SNRPD3: variants seen among roughly 807,000 people sequenced by gnomAD.
SNRPD3 encodes small nuclear ribonucleoprotein D3 polypeptide, also known as small nuclear ribonucleoprotein Sm D3.
For synonymous variants in SNRPD3, 66 were observed against 58.4 expected (o/e 1.13, Z -0.59); for missense variants, 73 against 167.5 (o/e 0.44, Z 3.11).
At position 24,574,906 on chromosome 22, in the gene SNRPD3, T is replaced by C. The variant is rs76039210; in HGVS notation, c.*2929T>C. Among the ~76,000 whole-genome samples the C allele has an allele frequency of 6.8e-4, 104 of 152,326 alleles. 1 individual carries two copies. In the East Asian group the frequency reaches 7.7e-3, roughly 11 times the overall value. ...CTTCCTCTCACCCATCTCCCTGATA[T>C]TGTAATTCTGGTTAGATCATATTCA... On this transcript the variant is annotated 3_prime_UTR_variant, in exon 4 of 4. Transcript: ENST00000215829.
chr22:24,569,887 C>A (rs995844972), intron 3 of SNRPD3, among the ~76,000 whole-genome samples: 4 of 152,242 alleles, frequency 2.6e-5, no homozygotes, highest in African/African-American at 9.6e-5. Context: ...GAGCTTCTAG[C>A]CCCATGGAGT....
chr22:24,556,003 G>C lies in SNRPD3; in HGVS notation c.-87G>C, dbSNP rs1159066295. On this transcript the variant is annotated 5_prime_UTR_variant, in exon 1 of 4. Transcript: ENST00000215829. ...ATTCTGGGTGTTAGGCCCGCCATTC[G>C]CTTGACTCACGCCTTCGCCGTAGCA... The C allele has an allele frequency of 4.6e-6, 3 of 657,130 alleles. No homozygotes were observed. The highest frequency in any genetic ancestry group is 7.8e-6 in the Non-Finnish European group (3 of 385,814). 40.7% of individuals were successfully genotyped at this position (657,130 alleles called of 1,614,324 possible).
intron 2 of SNRPD3, among the ~76,000 whole-genome samples, chr22:24,563,449 G>A (rs1256144610): frequency 1.3e-5 from 2 of 151,908 alleles, no homozygotes; most frequent in African/African-American, 4.8e-5. Context: ...TTCTCATTCC[G>A]ACAGCTGCAA....
chr22:24,567,766 CA>C (rs11307253), intron 2 of SNRPD3, among the ~76,000 whole-genome samples: 110,546 of 151,598 alleles, frequency 0.73, 42,121 homozygotes, highest in East Asian at 0.85. Flanking sequence ...AGGGGGGGAG[CA>C]CTCATACCCA....
intron 2 of SNRPD3, among the ~76,000 whole-genome samples, chr22:24,564,586 G>A (rs978737492): frequency 6.6e-5 from 10 of 152,244 alleles, no homozygotes; most frequent in African/African-American, 1.7e-4. Flanking sequence ...CAGGGAAAGC[G>A]AGAGCAGTAG....
chr22:24,564,631 A>G (rs2045178314), intron 2 of SNRPD3, among the ~76,000 whole-genome samples: 1 of 152,212 alleles, frequency 6.6e-6, no homozygotes. Context: ...TAGGAGTCAG[A>G]GGACACTGGA....
At position 24,574,852 on chromosome 22, in the gene SNRPD3, C is replaced by T. The variant is rs1307923455; in HGVS notation, c.*2875C>T. On this transcript the variant is annotated 3_prime_UTR_variant, in exon 4 of 4. Transcript: ENST00000215829. ...CCCGGCCACCATTATCTTTTGAATCCTCTCTTCCTCCTGCCCACCATGAAT... is the reference window on the plus strand; with the variant it reads ...CCCGGCCACCATTATCTTTTGAATCTTCTCTTCCTCCTGCCCACCATGAAT... 2.0e-5 allele frequency among the ~76,000 whole-genome samples: 3 copies of T among 152,088 alleles called. No homozygotes were observed. Among genetic ancestry groups the T allele is most frequent in the African/African-American group, 4.8e-5 (2 of 41,400 alleles).
chr22:24,568,540 T>G (rs970245359), intron 3 of SNRPD3, among the ~76,000 whole-genome samples: 4 of 151,098 alleles, frequency 2.6e-5, no homozygotes, highest in Non-Finnish European at 5.9e-5. Context: ...TTATTTTTAT[T>G]TTATTTTTAA....
intron 3 of SNRPD3, among the ~76,000 whole-genome samples, chr22:24,569,250 G>A (rs949905683): frequency 3.3e-5 from 5 of 152,112 alleles, no homozygotes; most frequent in African/African-American, 4.8e-5. Flanking sequence ...TGTCCTTTTC[G>A]CAGTCCCCTA....
In SNRPD3 at chr22:24,556,009, C is replaced by T. The variant is rs2045055120; in HGVS notation, c.-81C>T. On this transcript the variant is annotated 5_prime_UTR_variant, in exon 1 of 4. Coordinates refer to ENST00000215829, the MANE Select transcript of SNRPD3 (RefSeq NM_004175.5). ...GGTGTTAGGCCCGCCATTCGCTTGA[C>T]TCACGCCTTCGCCGTAGCATCTTTC... is the stretch of plus-strand genomic sequence containing the variant. 1.6e-6 allele frequency: 1 copy of T among 643,506 alleles called. No individual in the cohort carries two copies. Among genetic ancestry groups the T allele is most frequent in the Non-Finnish European group, 2.7e-6 (1 of 373,942 alleles). The allele number at this position is 643,506 out of a possible 1,614,324, so 39.9% of individuals were successfully genotyped here.
At chr22:24,561,444 T>G (rs2045142269) in intron 2 of SNRPD3, among the ~76,000 whole-genome samples, 1 of 152,140 alleles carries the variant, frequency 6.6e-6, no homozygotes, top group African/African-American at 2.4e-5. Context: ...AACAATGAAT[T>G]TTTTTGAGGG....
chr22:24,557,973 G>A (rs577536346), intron 2 of SNRPD3, 173 bp downstream of exon 2: 40 of 511,630 alleles, frequency 7.8e-5, no homozygotes, highest in African/African-American at 6.2e-4. Flanking sequence ...GGGCATGAAC[G>A]AGACACATAA....
At chr22:24,558,502 T>C (rs191778364) in intron 2 of SNRPD3, among the ~76,000 whole-genome samples, 19 of 152,342 alleles carry the variant, frequency 1.2e-4, no homozygotes, top group South Asian at 4.1e-4. Flanking sequence ...TATATGACTT[T>C]AGATGTATTA....
At chr22:24,555,730 G>A, upstream of SNRPD3, 2 of 1,550,662 alleles carry the variant, frequency 1.3e-6, no homozygotes, top group Admixed American at 2.0e-5. Context: ...TTGCCGTCCA[G>A]CCTGTCCTTG....
rs192822536 is a variant in SNRPD3 at position 24,574,219 on chromosome 22, C to T, written c.*2242C>T. ...CTTTTGATGTAGTTCACTCTGGACC[C>T]GTACAGGAACACCAGCCTTGCAGAT... On this transcript the variant is annotated 3_prime_UTR_variant, in exon 4 of 4. Coordinates refer to ENST00000215829, the MANE Select transcript of SNRPD3 (RefSeq NM_004175.5). Among the ~76,000 whole-genome samples the T allele has an allele frequency of 3.3e-5, 5 of 152,292 alleles. No homozygotes were observed. The highest frequency in any genetic ancestry group is 3.4e-3 in the Middle Eastern group (1 of 294).
In SNRPD3 at chr22:24,573,939, T is replaced by C. The variant is rs1009648880; in HGVS notation, c.*1962T>C. 2.0e-5 allele frequency among the ~76,000 whole-genome samples: 3 copies of C among 152,172 alleles called. No homozygotes were observed. The highest frequency in any genetic ancestry group is 6.5e-5 in the Admixed American group (1 of 15,282). Reference sequence around the variant, plus strand: ...CATCAACTAAGGATCTTATTAGAAATGAAGACTGCAAGCCGCACACCTGGA... The same window carrying C: ...CATCAACTAAGGATCTTATTAGAAACGAAGACTGCAAGCCGCACACCTGGA... On this transcript the variant is annotated 3_prime_UTR_variant, in exon 4 of 4. Coordinates refer to ENST00000215829, the MANE Select transcript of SNRPD3 (RefSeq NM_004175.5).
chr22:24,568,597 G>A (rs929574085), intron 3 of SNRPD3, among the ~76,000 whole-genome samples: 63 of 147,274 alleles, frequency 4.3e-4, no homozygotes, highest in African/African-American at 1.5e-3. Flanking sequence ...TCGCTCTGTC[G>A]CCCAGGCTGG....
At chr22:24,558,284 T>C (rs1333010383) in intron 2 of SNRPD3, among the ~76,000 whole-genome samples, 1 of 152,214 alleles carries the variant, frequency 6.6e-6, no homozygotes, top group Admixed American at 6.5e-5. Context: ...GAGAATGAGA[T>C]TAAAGGGCTC....
chr22:24,560,090 A>AT lies in SNRPD3; in HGVS notation c.126+2309dup, dbSNP rs71189257. On this transcript the variant is annotated intron_variant, in intron 2 of 3. Coordinates refer to ENST00000215829, the MANE Select transcript of SNRPD3 (RefSeq NM_004175.5). ...CTTAACATAATTATGTTTATAAAGA[A>AT]TTTTTTTTTTTTTTTTTTTGAGATG... Among the ~76,000 whole-genome samples, 140 of 89,272 alleles carry AT rather than the reference A, an allele frequency of 1.6e-3. 6 individuals carry two copies. Among genetic ancestry groups the AT allele is most frequent in the African/African-American group, 5.6e-3 (129 of 23,222 alleles). The allele number at this position is 89,272 out of a possible 152,430, so 58.6% of individuals were successfully genotyped here. A position where few individuals can be genotyped will look rare whatever the true frequency, so the allele number is the denominator to read the frequency against.
Sources: gnomAD v4.1 joint callset for allele counts (sites outside exome capture counted in the v4.1 genomes callset) on GRCh38, gnomAD v4.1.1 for gene constraint, MANE v1.5 for transcripts, NCBI Gene and HGNC (gene_info 2026-07-23, HGNC 2026-07-21) for gene names.